ZBTB46: variants seen among roughly 807,000 people sequenced by gnomAD.
ZBTB46 encodes the protein zinc finger and BTB domain-containing protein 46.
ZBTB46 carries 8 observed loss-of-function variants against 44.1 expected under a neutral mutation model. The ratio of observed to expected loss-of-function variants is 0.18; its 90% CI spans 0.11 to 0.33. The LOEUF is 0.33. Ranked by LOEUF, ZBTB46 falls within the 10% of genes least tolerant of loss-of-function variation. The probability of loss-of-function intolerance (pLI) is 1.00; values close to 1 mark genes in which losing one functional copy is unlikely to be tolerated. For missense variants in ZBTB46, 651 were observed against 847.7 expected (o/e 0.77, Z 2.88); for synonymous variants, 409 against 382.3 (o/e 1.07, Z -0.81).
intron 1 of ZBTB46, among the ~76,000 whole-genome samples, chr20:63,805,998 C>T (rs1269942620): frequency 6.7e-6 from 1 of 149,064 alleles, no homozygotes; most frequent in African/African-American, 2.5e-5. Context: ...TGGTCTCGAA[C>T]TCCTGACCTC....
At chr20:63,775,053 G>C (rs1461184298) in intron 3 of ZBTB46, among the ~76,000 whole-genome samples, 1 of 152,210 alleles carries the variant, frequency 6.6e-6, no homozygotes, top group Non-Finnish European at 1.5e-5. Flanking sequence ...TTGTCAGGAA[G>C]TCAGTCAGTC....
At chr20:63,797,801 CT>C (rs1383239076) in intron 1 of ZBTB46, among the ~76,000 whole-genome samples, 1 of 152,204 alleles carries the variant, frequency 6.6e-6, no homozygotes, top group Non-Finnish European at 1.5e-5. Flanking sequence ...TAAATGTCTT[CT>C]TTTGAGAAGT....
chr20:63,829,210 G>T (rs908356261), intron 1 of ZBTB46, among the ~76,000 whole-genome samples: 1 of 152,174 alleles, frequency 6.6e-6, no homozygotes, highest in Non-Finnish European at 1.5e-5. Context: ...CTGACCTGGG[G>T]GCCCTTAGGT....
chr20:63,780,579 G>A (rs1321949424), intron 2 of ZBTB46, among the ~76,000 whole-genome samples: 1 of 151,856 alleles, frequency 6.6e-6, no homozygotes, highest in African/African-American at 2.4e-5. Context: ...GAGGCGGGCG[G>A]ATCACGAGGT....
chr20:63,763,494 C>T (rs1374613338), intron 3 of ZBTB46, among the ~76,000 whole-genome samples: 9 of 152,118 alleles, frequency 5.9e-5, no homozygotes, highest in Admixed American at 1.3e-4. Flanking sequence ...AGGGAGCGAG[C>T]GTTTCACAGG....
intron 1 of ZBTB46, among the ~76,000 whole-genome samples, chr20:63,827,704 A>G (rs1411213107): frequency 3.3e-5 from 5 of 152,220 alleles, no homozygotes; most frequent in Admixed American, 1.3e-4. Context: ...CTATTGTAAA[A>G]TAGCTATGGT....
intron 3 of ZBTB46, among the ~76,000 whole-genome samples, chr20:63,760,601 C>T (rs113155959): frequency 2.0e-5 from 3 of 151,800 alleles, no homozygotes; most frequent in Non-Finnish European, 2.9e-5. Flanking sequence ...GGATTACAGG[C>T]GCCTGTCACC....
chr20:63,777,282 C>A (rs1268079690), intron 2 of ZBTB46, among the ~76,000 whole-genome samples: 1 of 152,104 alleles, frequency 6.6e-6, no homozygotes, highest in Admixed American at 6.6e-5. Context: ...CCAGCCTGGG[C>A]AACACAGCAG....
At chr20:63,785,504 G>A (rs2092507562) in intron 2 of ZBTB46, among the ~76,000 whole-genome samples, 1 of 152,090 alleles carries the variant, frequency 6.6e-6, no homozygotes, top group South Asian at 2.1e-4. Context: ...AGGCTGCAGT[G>A]AGTCGAGATC....
intron 4 of ZBTB46, among the ~76,000 whole-genome samples, chr20:63,750,863 C>T (rs1056408763): frequency 2.0e-5 from 3 of 151,882 alleles, no homozygotes; most frequent in Non-Finnish European, 2.9e-5. Context: ...TGTCACGCCA[C>T]TGCACTCCAG....
rs369951274 is a variant in ZBTB46, at chr20:63,752,665, G to T, written c.1398+21C>A. The T allele has an allele frequency of 2.0e-6, 3 of 1,520,136 alleles. No individual in the cohort carries two copies. The African/African-American group carries it at 4.1e-5, about 21-fold the overall frequency. 94.2% of individuals were successfully genotyped at this position (1,520,136 alleles called of 1,614,324 possible). ...CGTGGCCACGCGCAGCGCGCGGCACGCGGACCCTCCCCGCACTCACCAGCG... is the reference window on the plus strand; with the variant it reads ...CGTGGCCACGCGCAGCGCGCGGCACTCGGACCCTCCCCGCACTCACCAGCG... On this transcript the variant is annotated intron_variant, in intron 4 of 4. Transcript: ENST00000245663. The surrounding 1 kb of genome is among the most constrained non-coding windows in gnomAD (Gnocchi z 5.6).
intron 3 of ZBTB46, among the ~76,000 whole-genome samples, chr20:63,772,750 CACACACACACA>C (rs2092386836): frequency 1.1e-5 from 1 of 91,884 alleles, no homozygotes; most frequent in Non-Finnish European, 2.4e-5. Flanking sequence ...CACACACACA[CACACACACACA>C]CACACAGAAG....
At chr20:63,795,293 G>A (rs184271086) in intron 1 of ZBTB46, among the ~76,000 whole-genome samples, 13 of 152,330 alleles carry the variant, frequency 8.5e-5, no homozygotes, top group African/African-American at 2.9e-4. Context: ...CACAAGCCGC[G>A]TCACCGTGCA....
At chr20:63,793,642 A>C (rs533328896) in intron 1 of ZBTB46, among the ~76,000 whole-genome samples, 6 of 77,490 alleles carry the variant, frequency 7.7e-5, no homozygotes, top group African/African-American at 4.3e-4. Flanking sequence ...AAACAACAAC[A>C]AAAAAAATGC....
chr20:63,745,749 A>T lies in ZBTB46; in HGVS notation c.*1181T>A, dbSNP rs1017013890. The T allele has an allele frequency of 6.6e-6, 1 of 152,312 alleles. No individual in the cohort carries two copies. The highest frequency in any genetic ancestry group is 1.5e-5 in the Non-Finnish European group (1 of 68,038). 9.4% of individuals were successfully genotyped at this position (152,312 alleles called of 1,614,324 possible). A position where few individuals can be genotyped will look rare whatever the true frequency, so the allele number is the denominator to read the frequency against. On this transcript the variant is annotated 3_prime_UTR_variant, in exon 5 of 5. Coordinates refer to ENST00000245663, the MANE Select transcript of ZBTB46 (RefSeq NM_001369741.1). ...CGGTCCCGAGGCTGTGAGTCTAGGC[A>T]GCCTGCCTCCGGGACCCCCAAAGCC...
intron 1 of ZBTB46, among the ~76,000 whole-genome samples, chr20:63,797,331 C>T (rs1020290201): frequency 5.3e-5 from 8 of 152,122 alleles, no homozygotes; most frequent in South Asian, 2.1e-4. Flanking sequence ...AGGACATGAA[C>T]GCATCCTTTT....
chr20:63,747,454 A>AG (rs2092109936), intron 4 of ZBTB46, among the ~76,000 whole-genome samples, 153 bp from the exon 5 acceptor site: 1 of 14,834 alleles, frequency 6.7e-5, no homozygotes. Flanking sequence ...GGCCTGGTGG[A>AG]GGTGGGGGGG....
At chr20:63,824,464 A>C (rs2092809588) in intron 1 of ZBTB46, among the ~76,000 whole-genome samples, 1 of 152,138 alleles carries the variant, frequency 6.6e-6, no homozygotes, top group Non-Finnish European at 1.5e-5. Flanking sequence ...TGTTGTCTTG[A>C]AAGCTAATTT....
intron 3 of ZBTB46, among the ~76,000 whole-genome samples, chr20:63,757,002 G>GT (rs2092226528): frequency 6.6e-6 from 1 of 152,104 alleles, no homozygotes; most frequent in Non-Finnish European, 1.5e-5. Context: ...TGGCGGGGAA[G>GT]GGGGGCTTCT....
Sources: gnomAD v4.1 joint callset for allele counts (sites outside exome capture counted in the v4.1 genomes callset) on GRCh38, gnomAD v4.1.1 for gene constraint, Gnocchi (gnomAD v3.1) non-coding constraint, MANE v1.5 for transcripts, NCBI Gene and HGNC (gene_info 2026-07-23, HGNC 2026-07-21) for gene names.